Variants in NTN1 observed in about 807,000 individuals in gnomAD.
NTN1 encodes the protein netrin 1, also known as netrin-1.
In NTN1, 11 loss-of-function variants were observed where a neutral mutation model predicts 54.2. The observed-to-expected ratio is 0.20, with a 90% confidence interval of 0.13 to 0.34. NTN1 has a LOEUF of 0.34. Ranked by LOEUF, NTN1 falls within the 10% of genes least tolerant of loss-of-function variation. The pLI, the probability that NTN1 is intolerant of heterozygous loss-of-function variation, is 1.00. For missense variants in NTN1, 740 were observed against 893.1 expected (o/e 0.83, Z 2.18); for synonymous variants, 371 against 382.0 (o/e 0.97, Z 0.33).
chr17:9,063,712 T>C (rs1055866652), intron 2 of NTN1, among the ~76,000 whole-genome samples: 6 of 152,140 alleles, frequency 3.9e-5, no homozygotes, highest in African/African-American at 1.4e-4. Context: ...CACGCCTGGC[T>C]AATTTTTTTG....
At chr17:9,222,588 AGAG>A (rs904483119) in intron 6 of NTN1, among the ~76,000 whole-genome samples, 4 of 152,288 alleles carry the variant, frequency 2.6e-5, no homozygotes, top group Non-Finnish European at 5.9e-5. Flanking sequence ...TGGTGAGGAA[AGAG>A]GAGGAGGGAG....
At chr17:9,189,215 T>A (rs1904384804) in intron 5 of NTN1, among the ~76,000 whole-genome samples, 1 of 152,176 alleles carries the variant, frequency 6.6e-6, no homozygotes, top group Non-Finnish European at 1.5e-5. Context: ...CCGACCCCTG[T>A]TTTACAGAGG....
chr17:9,162,485 G>A (rs776628423), intron 2 of NTN1, among the ~76,000 whole-genome samples: 6 of 152,202 alleles, frequency 3.9e-5, no homozygotes, highest in Admixed American at 6.5e-5. Flanking sequence ...TTCCTACAAC[G>A]ACACAGTCAT....
At chr17:9,162,766 C>T (rs1477390447) in intron 2 of NTN1, 47 bp from the exon 3 acceptor site, 3 of 1,551,014 alleles carry the variant, frequency 1.9e-6, no homozygotes, top group African/African-American at 2.7e-5. Flanking sequence ...GGTGCCTGTC[C>T]TCCCCGCGCC....
intron 2 of NTN1, among the ~76,000 whole-genome samples, chr17:9,112,639 C>T (rs1206060422): frequency 6.7e-6 from 1 of 150,282 alleles, no homozygotes; most frequent in Non-Finnish European, 1.5e-5. Context: ...TCCTGGCTAA[C>T]ATGGTGAAAC....
At position 9,030,029 on chromosome 17, in the gene NTN1, C is replaced by T. The variant is rs143479953; in HGVS notation, c.1018+6638C>T. On this transcript the variant is annotated intron_variant, in intron 2 of 6. Transcript: ENST00000173229. ...AAAGTTACATAATTTATGTGAATTT[C>T]CCCCCACATCAAAAGGCCTTGGCTA... Among the ~76,000 whole-genome samples, 45 of 152,018 alleles carry T rather than the reference C, an allele frequency of 3.0e-4. No individual in the cohort carries two copies. In the Middle Eastern group the frequency reaches 0.01, roughly 34 times the overall value.
intron 2 of NTN1, among the ~76,000 whole-genome samples, chr17:9,090,389 C>T (rs1266402742): frequency 6.6e-6 from 1 of 151,982 alleles, no homozygotes; most frequent in Non-Finnish European, 1.5e-5. Flanking sequence ...TTGGCCAGAA[C>T]AGTCTCGATC....
rs1475666891 is a variant in NTN1, at chr17:9,219,369, C to T, written c.1412-1799C>T. ...GCAGGAGGGATGGGGACTGTGGCCA[C>T]CAGTGCCATGGAGCAGGGGTGTCAT... is the stretch of plus-strand genomic sequence containing the variant. On this transcript the variant is annotated intron_variant, in intron 5 of 6. Transcript: ENST00000173229. This position sits in a 1 kb window ranked among gnomAD's most constrained non-coding sequence, Gnocchi z 4.5. Among the ~76,000 whole-genome samples the T allele has an allele frequency of 1.3e-5, 2 of 152,174 alleles. No individual in the cohort carries two copies. The highest frequency in any genetic ancestry group is 4.8e-5 in the African/African-American group (2 of 41,432).
At chr17:9,078,935 C>G (rs2092060662) in intron 2 of NTN1, among the ~76,000 whole-genome samples, 1 of 152,226 alleles carries the variant, frequency 6.6e-6, no homozygotes, top group African/African-American at 2.4e-5. Context: ...AACATAGAAG[C>G]TGATTTAGGA....
chr17:9,043,829 C>G (rs771319246), intron 2 of NTN1, among the ~76,000 whole-genome samples: 2 of 152,136 alleles, frequency 1.3e-5, no homozygotes, highest in Non-Finnish European at 1.5e-5. Flanking sequence ...ATCCACCCGC[C>G]TCGGCTTCTG....
the NTN1 span, among the ~76,000 whole-genome samples, chr17:9,011,477 T>C: frequency 6.6e-6 from 1 of 152,222 alleles, no homozygotes. Flanking sequence ...TCCATCCCGA[T>C]ATGCCATAAC....
chr17:9,184,126 G>A (rs1185104684), intron 5 of NTN1, among the ~76,000 whole-genome samples: 1 of 152,152 alleles, frequency 6.6e-6, no homozygotes. Flanking sequence ...GGAGAGTATT[G>A]GCAGTGCGCT....
chr17:9,132,364 G>A (rs1163400313), intron 2 of NTN1, among the ~76,000 whole-genome samples: 3 of 152,136 alleles, frequency 2.0e-5, no homozygotes, highest in African/African-American at 7.2e-5. Context: ...AAACTCCTAT[G>A]CATCTCACAC....
In NTN1 at chr17:9,242,172, G is replaced by A. The variant is rs1395667458; in HGVS notation, c.*2204G>A. 2 of 152,536 alleles carry A rather than the reference G, an allele frequency of 1.3e-5. No individual in the cohort carries two copies. The highest frequency in any genetic ancestry group is 1.5e-5 in the Non-Finnish European group (1 of 68,276). 9.4% of individuals were successfully genotyped at this position (152,536 alleles called of 1,614,324 possible). ...GGTGGTAGAAAGGTGTTTTTAGAAA[G>A]GTGTTTTGGCTGCCTCAGGGTGGTT... On this transcript the variant is annotated 3_prime_UTR_variant, in exon 7 of 7. Transcript: ENST00000173229.
At chr17:9,180,561 C>G (rs984694536) in intron 4 of NTN1, among the ~76,000 whole-genome samples, 2 of 152,216 alleles carry the variant, frequency 1.3e-5, no homozygotes, top group Non-Finnish European at 1.5e-5. Context: ...TCTCACTGTC[C>G]ACCTGGACCC....
intron 5 of NTN1, 154 bp downstream of exon 5, chr17:9,183,123 A>C (rs1173628542): frequency 1.3e-6 from 1 of 763,560 alleles, no homozygotes; most frequent in African/African-American, 1.7e-5. Context: ...TGCATTGAAG[A>C]AGCTGGAGCT....
intron 2 of NTN1, among the ~76,000 whole-genome samples, chr17:9,095,495 C>A (rs755591371): frequency 6.6e-6 from 1 of 152,232 alleles, no homozygotes; most frequent in Non-Finnish European, 1.5e-5. Flanking sequence ...CTTTCCCTAA[C>A]GCATTCGAAA....
rs193036144 is a variant in NTN1 at position 9,050,104 on chromosome 17, A to G, written c.1018+26713A>G. Among the ~76,000 whole-genome samples the G allele has an allele frequency of 9.9e-3, 1,506 of 151,850 alleles. 27 individuals are homozygous for G. Among genetic ancestry groups the G allele is most frequent in the African/African-American group, 0.032 (1,326 of 41,362 alleles). ...TACTAAAAATACAAACAAATTAGCC[A>G]GGTGTGGTGGTGGACGCCTGTAGTC... is the stretch of plus-strand genomic sequence containing the variant. On this transcript the variant is annotated intron_variant, in intron 2 of 6. Transcript: ENST00000173229.
chr17:9,042,164 A>G (rs561040659), intron 2 of NTN1, among the ~76,000 whole-genome samples: 32 of 152,262 alleles, frequency 2.1e-4, no homozygotes, highest in South Asian at 4.1e-4. Flanking sequence ...CTTACTATCT[A>G]TCATTTTGAT....
Sources: allele counts gnomAD v4.1 joint callset (sites outside exome capture counted in the v4.1 genomes callset), GRCh38; gene constraint gnomAD v4.1.1; non-coding constraint Gnocchi (gnomAD v3.1); transcripts MANE v1.5; gene names NCBI Gene and HGNC (gene_info 2026-07-23, HGNC 2026-07-21).